The following LYZL4 variants were observed in gnomAD, a reference collection of about 807,000 sequenced individuals.
The protein encoded by LYZL4 is lysozyme-like protein 4.
In LYZL4, 13 loss-of-function variants were observed where a neutral mutation model predicts 17.6. That is an observed-to-expected ratio of 0.74 (90% CI 0.48 to 1.18). The LOEUF (loss-of-function observed/expected upper bound fraction) is 1.18. LYZL4 is among the 50% of genes most tolerant of loss of function. The probability of loss-of-function intolerance (pLI) is 0.00; values close to 1 mark genes in which losing one functional copy is unlikely to be tolerated. For missense variants in LYZL4, 174 were observed against 188.2 expected (o/e 0.92, Z 0.44); for synonymous variants, 64 against 67.7 (o/e 0.95, Z 0.27).
downstream of LYZL4, among the ~76,000 whole-genome samples, chr3:42,393,333 G>A (rs536410489): frequency 2.1e-4 from 29 of 137,538 alleles, no homozygotes; most frequent in Admixed American, 3.0e-4. Context: ...AGACGTGTGC[G>A]CGTGCACACA....
the LYZL4 span, among the ~76,000 whole-genome samples, chr3:42,373,816 A>G: frequency 6.6e-6 from 1 of 152,182 alleles, no homozygotes; most frequent in African/African-American, 2.4e-5. Flanking sequence ...AGTGTCAGAA[A>G]TTCCCACTGG....
chr3:42,387,689 A>T, the LYZL4 span, among the ~76,000 whole-genome samples: 3 of 152,004 alleles, frequency 2.0e-5, no homozygotes, highest in East Asian at 5.8e-4. Flanking sequence ...AGGAAGAGAA[A>T]ATTTGCCAGG....
At chr3:42,386,659 T>C in the LYZL4 span, among the ~76,000 whole-genome samples, 2 of 152,200 alleles carry the variant, frequency 1.3e-5, no homozygotes, top group African/African-American at 4.8e-5. Flanking sequence ...TTCACTATTC[T>C]CTCCCTTTTA....
At chr3:42,408,471 C>T (rs1698804043) in intron 1 of LYZL4, among the ~76,000 whole-genome samples, 1 of 152,176 alleles carries the variant, frequency 6.6e-6, no homozygotes, top group Admixed American at 6.5e-5. Context: ...TGAGGCCTCA[C>T]CCCGGGTGCC....
chr3:42,372,167 C>T, the LYZL4 span, among the ~76,000 whole-genome samples: 3 of 152,152 alleles, frequency 2.0e-5, no homozygotes, highest in South Asian at 6.2e-4. Flanking sequence ...GGGGAGAGAC[C>T]CAGAGTGAAA....
chr3:42,368,502 TA>T, the LYZL4 span, among the ~76,000 whole-genome samples: 1 of 152,246 alleles, frequency 6.6e-6, no homozygotes. Context: ...TGGAATTTTA[TA>T]ACCTGCTTTT....
At chr3:42,364,359 T>C in the LYZL4 span, among the ~76,000 whole-genome samples, 2 of 150,070 alleles carry the variant, frequency 1.3e-5, no homozygotes, top group African/African-American at 4.9e-5. Flanking sequence ...TTTTTTTTTT[T>C]CAGGCGGAGT....
the LYZL4 span, among the ~76,000 whole-genome samples, chr3:42,366,987 C>T: frequency 7.9e-5 from 12 of 152,096 alleles, no homozygotes; most frequent in Admixed American, 4.6e-4. Context: ...CACCATTTGC[C>T]GAGTGATCAA....
At chr3:42,381,137 T>G in the LYZL4 span, among the ~76,000 whole-genome samples, 1 of 152,172 alleles carries the variant, frequency 6.6e-6, no homozygotes, top group South Asian at 2.1e-4. Context: ...GAGAGAAAGA[T>G]AAATGCCTGC....
At chr3:42,384,090 C>T in the LYZL4 span, among the ~76,000 whole-genome samples, 1 of 152,140 alleles carries the variant, frequency 6.6e-6, no homozygotes, top group Non-Finnish European at 1.5e-5. Flanking sequence ...ATCCTACAAC[C>T]TTCCAGAAAG....
chr3:42,406,459 A>AAC (rs1698753028), intron 3 of LYZL4, among the ~76,000 whole-genome samples: 1 of 73,104 alleles, frequency 1.4e-5, no homozygotes, highest in African/African-American at 5.7e-5. Context: ...GTCTCAAAAA[A>AAC]AAAAAAAAAA....
At chr3:42,398,388 T>C (rs150821846) in intron 4 of LYZL4, among the ~76,000 whole-genome samples, 25 of 152,336 alleles carry the variant, frequency 1.6e-4, no homozygotes, top group Non-Finnish European at 1.5e-4. Context: ...AATATGGTTT[T>C]AGTTCATTAG....
At chr3:42,397,928 A>G (rs1698583579) in intron 4 of LYZL4, among the ~76,000 whole-genome samples, 1 of 152,056 alleles carries the variant, frequency 6.6e-6, no homozygotes, top group Non-Finnish European at 1.5e-5. Context: ...CAGCACCCAG[A>G]CTTCAGGTTC....
the LYZL4 span, among the ~76,000 whole-genome samples, chr3:42,376,742 G>A: frequency 1.3e-5 from 2 of 152,126 alleles, no homozygotes; most frequent in African/African-American, 2.4e-5. Flanking sequence ...TCAACAGGGT[G>A]CCTGCCCTGG....
chr3:42,385,442 T>C, the LYZL4 span, among the ~76,000 whole-genome samples: 3 of 152,186 alleles, frequency 2.0e-5, no homozygotes, highest in South Asian at 4.1e-4. Flanking sequence ...ATAGGCTATA[T>C]TGCATGTAGC....
intron 1 of LYZL4, among the ~76,000 whole-genome samples, chr3:42,408,097 T>C (rs1698793114): frequency 6.6e-6 from 1 of 152,066 alleles, no homozygotes; most frequent in Non-Finnish European, 1.5e-5. Context: ...GCAAGCTGAG[T>C]CATAGCCCAG....
chr3:42,377,266 C>T, the LYZL4 span, among the ~76,000 whole-genome samples: 2 of 152,108 alleles, frequency 1.3e-5, no homozygotes, highest in Admixed American at 6.5e-5. Flanking sequence ...TATACAATCT[C>T]CTTTAACCCT....
chr3:42,402,315 CTTTCTT>C (rs1352068957), intron 4 of LYZL4, among the ~76,000 whole-genome samples: 4 of 136,980 alleles, frequency 2.9e-5, no homozygotes, highest in African/African-American at 8.4e-5. Context: ...CTTTTCTTTT[CTTTCTT>C]TTTTTTTTTT....
chr3:42,381,472 T>C, the LYZL4 span, among the ~76,000 whole-genome samples: 5 of 152,214 alleles, frequency 3.3e-5, no homozygotes, highest in African/African-American at 1.2e-4. Context: ...CTGTGTAAAG[T>C]GATCAAAGTC....
Sources: allele counts gnomAD v4.1 joint callset (sites outside exome capture counted in the v4.1 genomes callset), GRCh38; gene constraint gnomAD v4.1.1; transcripts MANE v1.5; gene names NCBI Gene and HGNC (gene_info 2026-07-23, HGNC 2026-07-21).